Variants in CSMD1 observed in about 807,000 individuals in gnomAD.
CSMD1 encodes CUB and Sushi multiple domains 1.
Under a neutral mutation model 417.5 loss-of-function variants are expected in CSMD1, and 213 were observed. The observed-to-expected ratio is 0.51, with a 90% CI of 0.46 to 0.57. CSMD1 has a LOEUF of 0.57. Ranked by LOEUF, CSMD1 falls within the 20% of genes least tolerant of loss-of-function variation. The probability of loss-of-function intolerance (pLI) is 0.00; values close to 1 mark genes in which losing one functional copy is unlikely to be tolerated. For synonymous variants in CSMD1, 2,862 were observed against 1,736.8 expected (o/e 1.65, Z -16.11); for missense variants, 6,923 against 4,529.7 (o/e 1.53, Z -15.17).
intron 1 of CSMD1, among the ~76,000 whole-genome samples, chr8:4,924,383 C>A (rs1458254721): frequency 6.6e-6 from 1 of 152,074 alleles, no homozygotes; most frequent in East Asian, 1.9e-4. Flanking sequence ...GAATTAAAAA[C>A]CATCTATATG....
intron 3 of CSMD1, among the ~76,000 whole-genome samples, chr8:4,356,550 T>C (rs1801443485): frequency 1.3e-5 from 2 of 152,200 alleles, no homozygotes; most frequent in African/African-American, 4.8e-5. Flanking sequence ...ATTTTAAATA[T>C]GTTTCATTTT....
At chr8:4,587,483 G>A (rs534221916) in intron 2 of CSMD1, among the ~76,000 whole-genome samples, 1 of 151,666 alleles carries the variant, frequency 6.6e-6, no homozygotes, top group African/African-American at 2.4e-5. Flanking sequence ...ATATGTATAT[G>A]TACATATATG....
At chr8:3,837,394 G>C (rs1043442738) in intron 5 of CSMD1, among the ~76,000 whole-genome samples, 5 of 152,078 alleles carry the variant, frequency 3.3e-5, no homozygotes, top group Admixed American at 1.3e-4. Context: ...AATTGAAGTA[G>C]CATGCACTTT....
intron 2 of CSMD1, among the ~76,000 whole-genome samples, chr8:4,559,227 T>C (rs963186285): frequency 6.9e-5 from 10 of 144,444 alleles, no homozygotes; most frequent in South Asian, 4.2e-4. Flanking sequence ...TTGGATAAAC[T>C]TAAAATGTTG....
At chr8:4,223,175 G>A (rs1201123117) in intron 3 of CSMD1, among the ~76,000 whole-genome samples, 1 of 151,936 alleles carries the variant, frequency 6.6e-6, no homozygotes, top group African/African-American at 2.4e-5. Context: ...GAGCCTCCGG[G>A]AGTTAATAAA....
intron 19 of CSMD1, among the ~76,000 whole-genome samples, chr8:3,367,464 G>C (rs1425940225): frequency 6.6e-6 from 1 of 151,824 alleles, no homozygotes; most frequent in Non-Finnish European, 1.5e-5. Flanking sequence ...AGATGGAGAG[G>C]AGAGAGAGAA....
intron 7 of CSMD1, chr8:3,700,687 G>T (rs919771069): frequency 1.3e-5 from 2 of 152,128 alleles, no homozygotes; most frequent in South Asian, 2.1e-4. Context: ...GGCTTCTTTG[G>T]GACATTATTT....
chr8:4,057,408 A>T (rs112848803), intron 3 of CSMD1, among the ~76,000 whole-genome samples: 12,945 of 152,024 alleles, frequency 0.085, 781 homozygotes, highest in Admixed American at 0.17. Context: ...AATTTGTTTG[A>T]GTTCATTGTA....
chr8:3,593,173 G>A (rs568911457), intron 8 of CSMD1, among the ~76,000 whole-genome samples: 2 of 152,356 alleles, frequency 1.3e-5, no homozygotes, highest in South Asian at 4.1e-4. Flanking sequence ...GGCTGTGGAA[G>A]CCCAGTGTCA....
At chr8:2,961,050 G>A in intron 62 of CSMD1, 91 bp downstream of exon 62, 1 of 711,278 alleles carries the variant, frequency 1.4e-6, no homozygotes, top group East Asian at 3.4e-5. Flanking sequence ...CATGAATAAG[G>A]TATGATATAA....
rs573270708 is a variant in CSMD1, at chr8:4,780,676, G to A, written c.86-143118C>T. Reference sequence around the variant, plus strand: ...TCCTGGTGCACCCATCACCCGAGTGGTATACACTGCACCATGTATGTTGTC... The same window carrying A: ...TCCTGGTGCACCCATCACCCGAGTGATATACACTGCACCATGTATGTTGTC... On this transcript the variant is annotated intron_variant, in intron 1 of 69. Transcript: ENST00000635120. Among the ~76,000 whole-genome samples the A allele has an allele frequency of 6.6e-5, 10 of 152,176 alleles. No individual in the cohort carries two copies. The South Asian group carries it at 1.0e-3, about 16-fold the overall frequency.
chr8:3,716,594 C>T (rs536389473), intron 6 of CSMD1, among the ~76,000 whole-genome samples: 2 of 152,274 alleles, frequency 1.3e-5, no homozygotes, highest in East Asian at 3.9e-4. Flanking sequence ...GGCTTCTTTA[C>T]TGCAACCTAT....
intron 12 of CSMD1, among the ~76,000 whole-genome samples, chr8:3,444,950 C>G (rs551779076): frequency 5.9e-5 from 9 of 152,296 alleles, no homozygotes; most frequent in African/African-American, 1.7e-4. Flanking sequence ...GAAAACACCA[C>G]TAGCTATGAA....
chr8:4,163,636 T>C (rs4317598), intron 3 of CSMD1, among the ~76,000 whole-genome samples: 58,919 of 151,958 alleles, frequency 0.39, 11,630 homozygotes, highest in East Asian at 0.49. Context: ...TATCTACATA[T>C]GGTAAGTGGA....
intron 54 of CSMD1, among the ~76,000 whole-genome samples, chr8:2,989,943 C>A (rs570144297): frequency 3.3e-5 from 5 of 152,154 alleles, no homozygotes; most frequent in Non-Finnish European, 7.4e-5. Context: ...GTGTCTAGCA[C>A]ATCATTTGGG....
chr8:4,166,561 T>C lies in CSMD1; in HGVS notation c.416-134462A>G, dbSNP rs1268839494. Reference sequence around the variant, plus strand: ...ATAAGTGGGAGCTAAGCAATGAGGATACAAAGGCATGAGAATGATATAATG... The same window carrying C: ...ATAAGTGGGAGCTAAGCAATGAGGACACAAAGGCATGAGAATGATATAATG... On this transcript the variant is annotated intron_variant, in intron 3 of 69. Transcript: ENST00000635120. 2.0e-5 allele frequency among the ~76,000 whole-genome samples: 3 copies of C among 152,224 alleles called. No individual in the cohort carries two copies. In the East Asian group the frequency reaches 5.8e-4, roughly 29 times the overall value.
intron 1 of CSMD1, among the ~76,000 whole-genome samples, chr8:4,685,565 G>A (rs1234701406): frequency 6.6e-6 from 1 of 151,902 alleles, no homozygotes; most frequent in South Asian, 2.1e-4. Flanking sequence ...GACAGAATGA[G>A]ACTCCTTCTT....
intron 3 of CSMD1, among the ~76,000 whole-genome samples, chr8:4,189,502 T>C (rs6987714): frequency 0.028 from 4,195 of 152,294 alleles, 188 homozygotes; most frequent in African/African-American, 0.094. Flanking sequence ...GAGCTATTAA[T>C]TGTATAAACA....
chr8:3,670,996 A>G, intron 7 of CSMD1, among the ~76,000 whole-genome samples: 1 of 136,308 alleles, frequency 7.3e-6, no homozygotes, highest in Non-Finnish European at 1.6e-5. Flanking sequence ...TATGGGATAT[A>G]TATGTATGGG....
Sources: allele counts gnomAD v4.1 joint callset (sites outside exome capture counted in the v4.1 genomes callset), GRCh38; gene constraint gnomAD v4.1.1; transcripts MANE v1.5; gene names NCBI Gene and HGNC (gene_info 2026-07-23, HGNC 2026-07-21).